ATG16L1: variants seen among roughly 807,000 people sequenced by gnomAD.
The protein encoded by ATG16L1 is autophagy-related protein 16-1.
A neutral mutation model predicts 88.5 loss-of-function variants in ATG16L1; 37 were observed. The observed-to-expected ratio is 0.42, with a 90% CI of 0.32 to 0.55. The LOEUF (loss-of-function observed/expected upper bound fraction) is 0.55, where lower values mean the gene tolerates loss of function less well. ATG16L1 is among the 20% of genes least tolerant of loss of function. ATG16L1 has a pLI of 0.13. For missense variants in ATG16L1, 554 were observed against 752.8 expected (o/e 0.74, Z 3.09); for synonymous variants, 301 against 281.0 (o/e 1.07, Z -0.71).
intron 14 of ATG16L1, among the ~76,000 whole-genome samples, chr2:233,291,240 A>G (rs958748571): frequency 1.3e-5 from 2 of 152,168 alleles, no homozygotes; most frequent in Non-Finnish European, 2.9e-5. Flanking sequence ...AGTCCTGACA[A>G]TGCTCATGGT....
intron 10 of ATG16L1, 30 bp downstream of exon 10, chr2:233,277,703 A>G (rs1698468299): frequency 6.3e-7 from 1 of 1,591,490 alleles, no homozygotes; most frequent in Non-Finnish European, 8.6e-7. Flanking sequence ...TCTCAGACTG[A>G]AAACTTGAGA....
At chr2:233,254,778 G>A (rs1369330452) in intron 1 of ATG16L1, among the ~76,000 whole-genome samples, 5 of 152,054 alleles carry the variant, frequency 3.3e-5, no homozygotes, top group Admixed American at 2.0e-4. Context: ...TTTCTACCCA[G>A]GAGTTCTCTT....
At chr2:233,264,172 C>A in intron 4 of ATG16L1, 107 bp downstream of exon 4, 1 of 1,086,578 alleles carries the variant, frequency 9.2e-7, no homozygotes, top group Non-Finnish European at 1.4e-6. Context: ...CCACAGTGCA[C>A]TTAGCGAGAG....
intron 8 of ATG16L1, 43 bp from the exon 9 acceptor site, chr2:233,274,633 C>G: frequency 6.7e-7 from 1 of 1,487,634 alleles, no homozygotes. Flanking sequence ...AGCAGTAAAC[C>G]TCTGCAATCC....
intron 6 of ATG16L1, among the ~76,000 whole-genome samples, chr2:233,270,292 A>G (rs1180023352): frequency 6.6e-6 from 1 of 152,230 alleles, no homozygotes; most frequent in Non-Finnish European, 1.5e-5. Flanking sequence ...ATGAAAACAT[A>G]CAGTTCTTCC....
chr2:233,277,466 A>G, intron 9 of ATG16L1, 102 bp from the exon 10 acceptor site: 1 of 1,039,650 alleles, frequency 9.6e-7, no homozygotes, highest in Non-Finnish European at 1.5e-6. Context: ...CCTGTCTTTA[A>G]GGATGAGTGT....
chr2:233,265,098 C>T lies in ATG16L1; in HGVS notation c.596C>T (p.Ala199Val). The T allele has an allele frequency of 6.2e-7, 1 of 1,614,132 alleles. No homozygotes were observed. The highest frequency in any genetic ancestry group is 8.5e-7 in the Non-Finnish European group (1 of 1,180,024). ...GTCACCAGATGGATGGCTGAGAAAG[C>T]CCAGGAAGCCAATCGGCTTAATGCA... The part of the protein sequence containing the change: ...ELVTRWMAEK[A>V]QEANRLNAEN... Residue 199 changes from alanine (A) to valine (V), a missense_variant, in exon 5 of 18, where the codon GCC (alanine) becomes GTC (valine). Ala to Val is a moderately conservative substitution (Grantham distance 64). Around this residue, in one of 5 missense-constraint regions of ATG16L1, gnomAD observed 370 missense variants for 509.7 expected, o/e 0.73. Coordinates refer to ENST00000392017, the MANE Select transcript of ATG16L1 (RefSeq NM_030803.7).
In ATG16L1 at chr2:233,282,736, G is replaced by T. The variant is rs1403277936; in HGVS notation, c.1186G>T (p.Asp396Tyr). The T allele has an allele frequency of 1.2e-6, 2 of 1,614,028 alleles. No homozygotes were observed. Among genetic ancestry groups the T allele is most frequent in the East Asian group, 2.2e-5 (1 of 44,886 alleles). The change falls in exon 12 of 18, where the codon GAT becomes TAT. Residue 396 changes from aspartate (D) to tyrosine (Y), a missense_variant. Coordinates refer to ENST00000392017, the MANE Select transcript of ATG16L1 (RefSeq NM_030803.7). ...NDFASRIWTVDDYRLRHTLTG... is the reference protein window; with the variant it reads ...NDFASRIWTVYDYRLRHTLTG... Reference sequence around the variant, plus strand: ...TTTTGCAAGCCGAATCTGGACTGTGGATGATTATCGATTACGGGTAAGACC... The same window carrying T: ...TTTTGCAAGCCGAATCTGGACTGTGTATGATTATCGATTACGGGTAAGACC...
intron 5 of ATG16L1, among the ~76,000 whole-genome samples, chr2:233,265,404 C>G (rs1697495326): frequency 6.6e-6 from 1 of 152,222 alleles, no homozygotes; most frequent in South Asian, 2.1e-4. Context: ...TGCTAATGCA[C>G]AAGAAGACTA....
chr2:233,273,533 G>A, intron 7 of ATG16L1, 188 bp from the exon 8 acceptor site: 1 of 572,682 alleles, frequency 1.7e-6, no homozygotes, highest in Non-Finnish European at 3.1e-6. Context: ...AAACTTCTAG[G>A]CTGGGTTTTC....
rs959688803 is a variant in ATG16L1 at position 233,251,959 on chromosome 2, C to T, written c.115+17C>T. 4.6e-6 allele frequency: 7 copies of T among 1,527,004 alleles called. No homozygotes were observed. Among genetic ancestry groups the T allele is most frequent in the Non-Finnish European group, 6.2e-6 (7 of 1,136,088 alleles). 94.6% of individuals were successfully genotyped at this position (1,527,004 alleles called of 1,614,324 possible). ...TCCTGCAGTGTGAGCGGCGCCGGTG[C>T]GGGCTGGGAGTGGGGCGGGCGGGCC... On this transcript the variant is annotated intron_variant, in intron 1 of 17. Transcript: ENST00000392017.
intron 1 of ATG16L1, among the ~76,000 whole-genome samples, chr2:233,254,177 G>A (rs1349558199): frequency 6.6e-6 from 1 of 152,224 alleles, no homozygotes; most frequent in Non-Finnish European, 1.5e-5. Context: ...TGATGGGGCA[G>A]GAGCATGTAG....
chr2:233,277,433 A>G, intron 9 of ATG16L1, 135 bp from the exon 10 acceptor site: 2 of 705,344 alleles, frequency 2.8e-6, no homozygotes, highest in Non-Finnish European at 4.9e-6. Context: ...CTAGGAGTCC[A>G]GTTTAGTTTA....
chr2:233,267,106 T>C (rs939484656), intron 5 of ATG16L1, among the ~76,000 whole-genome samples: 2 of 152,224 alleles, frequency 1.3e-5, no homozygotes, highest in Non-Finnish European at 1.5e-5. Flanking sequence ...CCTAGCACTT[T>C]GGGAGGCCAA....
chr2:233,273,108 A>C, intron 7 of ATG16L1, 56 bp downstream of exon 7: 1 of 1,387,930 alleles, frequency 7.2e-7, no homozygotes, highest in Non-Finnish European at 1.0e-6. Flanking sequence ...ATATGAAGGC[A>C]CATCTGTGGA....
intron 9 of ATG16L1, among the ~76,000 whole-genome samples, chr2:233,276,216 A>T (rs1351858417): frequency 6.6e-6 from 1 of 152,138 alleles, no homozygotes; most frequent in African/African-American, 2.4e-5. Flanking sequence ...GCAAATGTAA[A>T]TATCACATAT....
intron 9 of ATG16L1, among the ~76,000 whole-genome samples, chr2:233,276,270 A>G (rs570659327): frequency 6.6e-6 from 1 of 152,294 alleles, no homozygotes; most frequent in East Asian, 1.9e-4. Context: ...TATCTACTTA[A>G]CAATCTCATA....
At chr2:233,258,765 T>C (rs1223169853) in intron 2 of ATG16L1, among the ~76,000 whole-genome samples, 2 of 152,178 alleles carry the variant, frequency 1.3e-5, no homozygotes, top group African/African-American at 4.8e-5. Context: ...GGCATGATCA[T>C]GGCTTACTGC....
intron 1 of ATG16L1, among the ~76,000 whole-genome samples, chr2:233,255,897 G>A (rs886624354): frequency 6.6e-6 from 1 of 152,042 alleles, no homozygotes; most frequent in African/African-American, 2.4e-5. Flanking sequence ...TCCTCCCAAG[G>A]TAGAAACAAA....
Sources: allele counts gnomAD v4.1 joint callset (sites outside exome capture counted in the v4.1 genomes callset), GRCh38; gene constraint gnomAD v4.1.1; regional missense constraint gnomAD v4.1.1; transcripts MANE v1.5; gene names NCBI Gene and HGNC (gene_info 2026-07-23, HGNC 2026-07-21).